Variants in ULK4 observed in about 807,000 individuals in gnomAD.
ULK4 encodes unc-51 like kinase 4.
ULK4 carries 133 observed loss-of-function variants against 160.6 expected under a neutral mutation model. That is an observed-to-expected ratio of 0.83 (90% CI 0.72 to 0.96). The LOEUF (loss-of-function observed/expected upper bound fraction) is 0.96. ULK4 is among the 40% of genes least tolerant of loss of function. ULK4 has a pLI of 0.00. For missense variants in ULK4, 1,580 were observed against 1,499.5 expected, an observed-to-expected ratio of 1.05 and a Z score of -0.89; for synonymous variants, 534 against 539.8, an observed-to-expected ratio of 0.99 and a Z score of 0.15.
intron 17 of ULK4, among the ~76,000 whole-genome samples, chr3:41,856,438 A>G (rs2042336577): frequency 6.7e-6 from 1 of 149,426 alleles, no homozygotes; most frequent in Admixed American, 6.8e-5. Flanking sequence ...GTACAAAACA[A>G]CTAAGAAAAC....
In ULK4 at chr3:41,286,586, C is replaced by T. The variant is rs569298166; in HGVS notation, c.3679-37012G>A. On this transcript the variant is annotated intron_variant, in intron 35 of 36. Coordinates refer to ENST00000301831, the MANE Select transcript of ULK4 (RefSeq NM_017886.4). ...ATGATAAACGTAGAAAGAAGAGCTT[C>T]TCCAGGGCCCCGCCAGCACCCTAAA... 3.9e-5 allele frequency among the ~76,000 whole-genome samples: 6 copies of T among 152,268 alleles called. No homozygotes were observed. In the East Asian group the frequency reaches 1.2e-3, roughly 29 times the overall value.
intron 3 of ULK4, among the ~76,000 whole-genome samples, chr3:41,936,383 G>A (rs748052767): frequency 4.6e-5 from 7 of 152,058 alleles, no homozygotes; most frequent in Non-Finnish European, 8.8e-5. Flanking sequence ...CTTAGCACGC[G>A]CCATTGATGA....
At chr3:41,864,408 C>G (rs992335428) in intron 17 of ULK4, among the ~76,000 whole-genome samples, 2 of 151,800 alleles carry the variant, frequency 1.3e-5, no homozygotes, top group African/African-American at 4.8e-5. Context: ...CCTCTTTCAG[C>G]GATATGAGAT....
intron 22 of ULK4, among the ~76,000 whole-genome samples, chr3:41,728,885 T>G (rs1172136831): frequency 2.0e-5 from 3 of 152,182 alleles, no homozygotes; most frequent in African/African-American, 7.2e-5. Context: ...ATCCACTTGA[T>G]ATATAATCAC....
intron 30 of ULK4, among the ~76,000 whole-genome samples, chr3:41,620,629 G>A (rs187730635): frequency 1.8e-4 from 28 of 152,130 alleles, no homozygotes; most frequent in Admixed American, 2.0e-4. Context: ...AATAATAAGC[G>A]CTATGTATGA....
chr3:41,373,424 G>T (rs1274926054), intron 35 of ULK4, among the ~76,000 whole-genome samples: 1 of 151,928 alleles, frequency 6.6e-6, no homozygotes, highest in Non-Finnish European at 1.5e-5. Context: ...AATGGAAATG[G>T]TGACAAACAG....
At chr3:41,618,696 C>T (rs577164920) in intron 30 of ULK4, among the ~76,000 whole-genome samples, 1 of 152,224 alleles carries the variant, frequency 6.6e-6, no homozygotes, top group South Asian at 2.1e-4. Flanking sequence ...ACCAATGACA[C>T]TATGAAGAAA....
intron 1 of ULK4, among the ~76,000 whole-genome samples, chr3:41,955,214 C>T (rs1700441478): frequency 6.6e-6 from 1 of 152,162 alleles, no homozygotes; most frequent in Admixed American, 6.5e-5. Context: ...CGCTTGAACC[C>T]GGGAGGCGGA....
chr3:41,684,693 C>T (rs1010837742), intron 27 of ULK4, among the ~76,000 whole-genome samples: 4 of 152,182 alleles, frequency 2.6e-5, no homozygotes, highest in Non-Finnish European at 4.4e-5. Context: ...TCTTGGGGAC[C>T]ATGGAGATGC....
intron 12 of ULK4, among the ~76,000 whole-genome samples, chr3:41,901,250 G>T (rs1575915414): frequency 6.8e-6 from 1 of 147,276 alleles, no homozygotes; most frequent in East Asian, 2.0e-4. Flanking sequence ...CGTGATCTCG[G>T]CTCACTACAA....
chr3:41,395,392 GGATAA>G (rs1424913593), intron 35 of ULK4, among the ~76,000 whole-genome samples: 1 of 152,000 alleles, frequency 6.6e-6, no homozygotes, highest in African/African-American at 2.4e-5. Context: ...GTCCATCAAT[GGATAA>G]CACATTTTTA....
intron 1 of ULK4, among the ~76,000 whole-genome samples, chr3:41,961,503 TTCACAGACTCAATTA>T (rs1208795393): frequency 7.0e-4 from 100 of 142,380 alleles, no homozygotes; most frequent in African/African-American, 2.7e-3. Context: ...CTCGCCGCAC[TTCACAGACTCAATTA>T]TCACAGACTC....
intron 30 of ULK4, among the ~76,000 whole-genome samples, chr3:41,638,321 G>A (rs1286456969): frequency 4.0e-5 from 6 of 151,762 alleles, no homozygotes; most frequent in Non-Finnish European, 8.8e-5. Context: ...ACTCTCTGTC[G>A]GAATTTCAAG....
intron 32 of ULK4, among the ~76,000 whole-genome samples, chr3:41,533,628 G>A (rs2086397026): frequency 6.6e-6 from 1 of 152,052 alleles, no homozygotes; most frequent in African/African-American, 2.4e-5. Flanking sequence ...ATTCTCTATG[G>A]CTCATCACCA....
At chr3:41,640,786 A>G (rs2034152200) in intron 30 of ULK4, among the ~76,000 whole-genome samples, 1 of 152,232 alleles carries the variant, frequency 6.6e-6, no homozygotes, top group Non-Finnish European at 1.5e-5. Flanking sequence ...GAATAATCCA[A>G]CGATATATAC....
intron 35 of ULK4, among the ~76,000 whole-genome samples, chr3:41,357,486 T>C (rs927521467): frequency 3.7e-4 from 56 of 152,080 alleles, no homozygotes; most frequent in African/African-American, 1.3e-3. Context: ...TAATTATAGA[T>C]TGCATGTGGT....
intron 17 of ULK4, among the ~76,000 whole-genome samples, chr3:41,852,053 A>G (rs1345403583): frequency 6.6e-6 from 1 of 152,214 alleles, no homozygotes; most frequent in East Asian, 1.9e-4. Flanking sequence ...GATAAAGGGG[A>G]TATCACCACC....
intron 35 of ULK4, among the ~76,000 whole-genome samples, chr3:41,261,131 C>T (rs1575365051): frequency 1.3e-5 from 2 of 152,064 alleles, no homozygotes; most frequent in Non-Finnish European, 2.9e-5. Context: ...GTTGACAAAA[C>T]CCAGATTTCA....
intron 32 of ULK4, among the ~76,000 whole-genome samples, chr3:41,512,511 C>T (rs1387239517): frequency 6.6e-6 from 1 of 152,078 alleles, no homozygotes; most frequent in African/African-American, 2.4e-5. Context: ...AAGAACTCAA[C>T]CCTTTTTACA....
Sources: gnomAD v4.1 joint callset for allele counts (sites outside exome capture counted in the v4.1 genomes callset) on GRCh38, gnomAD v4.1.1 for gene constraint, MANE v1.5 for transcripts, NCBI Gene and HGNC (gene_info 2026-07-23, HGNC 2026-07-21) for gene names.